Variants in DIP2C observed in about 807,000 individuals in gnomAD.
DIP2C encodes the protein disco-interacting protein 2 homolog C.
A neutral mutation model predicts 192.4 loss-of-function variants in DIP2C; 33 were observed. The observed-to-expected ratio is 0.17, with a 90% CI of 0.13 to 0.23. The LOEUF (loss-of-function observed/expected upper bound fraction) is 0.23. Ranked by LOEUF, DIP2C falls within the 10% of genes least tolerant of loss-of-function variation. DIP2C has a pLI of 1.00. For synonymous variants in DIP2C, 979 were observed against 864.1 expected, an observed-to-expected ratio of 1.13 and a Z score of -2.33; for missense variants, 1,537 against 2,110.1, an observed-to-expected ratio of 0.73 and a Z score of 5.32.
chr10:375,541 GTACACTA>G (rs1341204842), intron 17 of DIP2C, among the ~76,000 whole-genome samples: 2 of 152,208 alleles, frequency 1.3e-5, no homozygotes, highest in Admixed American at 6.5e-5. Context: ...CACGAGGAAT[GTACACTA>G]TGGCTTCCAT....
intron 1 of DIP2C, chr10:669,369 A>G (rs948607252): frequency 6.6e-6 from 1 of 152,180 alleles, no homozygotes; most frequent in Non-Finnish European, 1.5e-5. Context: ...GAACCAAGTG[A>G]TGGGCAGACA....
chr10:425,555 GGAT>G (rs1966537960), intron 4 of DIP2C, among the ~76,000 whole-genome samples: 1 of 134,442 alleles, frequency 7.4e-6, no homozygotes, highest in South Asian at 2.3e-4. Flanking sequence ...AATATGACAC[GGAT>G]GATACAGCAT....
At chr10:317,424 G>A (rs759629803) in intron 31 of DIP2C, among the ~76,000 whole-genome samples, 12 of 152,336 alleles carry the variant, frequency 7.9e-5, no homozygotes, top group Middle Eastern at 3.4e-3. Context: ...CAGCCTGGAC[G>A]CCATGCTCTG....
At chr10:386,411 C>T (rs769393479) in intron 14 of DIP2C, among the ~76,000 whole-genome samples, 19 of 152,234 alleles carry the variant, frequency 1.2e-4, no homozygotes, top group Non-Finnish European at 2.5e-4. Context: ...AGCCCAGGTC[C>T]TCCAATCCCA....
intron 1 of DIP2C, among the ~76,000 whole-genome samples, chr10:577,848 A>G (rs1036511090): frequency 3.3e-5 from 5 of 151,290 alleles, no homozygotes; most frequent in African/African-American, 1.2e-4. Flanking sequence ...ACCACAAAAG[A>G]AGAAAGAACT....
chr10:537,816 G>A (rs7092325), intron 1 of DIP2C, among the ~76,000 whole-genome samples: 2 of 151,296 alleles, frequency 1.3e-5, no homozygotes, highest in African/African-American at 2.4e-5. Context: ...CCCCGAGACC[G>A]AGTCTCGCTC....
intron 1 of DIP2C, among the ~76,000 whole-genome samples, chr10:512,597 G>C (rs1049210300): frequency 6.6e-6 from 1 of 151,066 alleles, no homozygotes; most frequent in African/African-American, 2.4e-5. Flanking sequence ...AAAACAAAAA[G>C]CAAAAACAAC....
chr10:567,200 T>A lies in DIP2C; in HGVS notation c.86-80670A>T, dbSNP rs568037561. Among the ~76,000 whole-genome samples, 389 of 87,116 alleles carry A rather than the reference T, an allele frequency of 4.5e-3. 2 individuals are homozygous for A. In the African/African-American group the frequency reaches 0.051, roughly 11 times the overall value. 57.2% of individuals were successfully genotyped at this position (87,116 alleles called of 152,430 possible). On this transcript the variant is annotated intron_variant, in intron 1 of 36. Transcript: ENST00000280886. ...TGGGGGGTTTTTTGTTTTGTTTTGT[T>A]TTTTTTAAGACACAATATCACTCTG...
chr10:480,100 C>T (rs1040027531), intron 2 of DIP2C, among the ~76,000 whole-genome samples: 37 of 142,088 alleles, frequency 2.6e-4, no homozygotes, highest in African/African-American at 7.2e-4. Flanking sequence ...CTCCGGTCCA[C>T]GCTCACTGGA....
intron 1 of DIP2C, among the ~76,000 whole-genome samples, chr10:500,829 T>TC (rs1191015450): frequency 9.9e-5 from 15 of 152,212 alleles, no homozygotes; most frequent in African/African-American, 3.4e-4. Context: ...CTGCGATGTC[T>TC]CCCCCCATAG....
chr10:551,307 C>G (rs970315431), intron 1 of DIP2C, among the ~76,000 whole-genome samples: 2 of 152,218 alleles, frequency 1.3e-5, no homozygotes, highest in Non-Finnish European at 2.9e-5. Flanking sequence ...GCCTGGCATA[C>G]AGCAGGTGCC....
rs150834887 is a variant in DIP2C at position 637,849 on chromosome 10, G to A, written c.85+51645C>T. Among the ~76,000 whole-genome samples, 267 of 152,334 alleles carry A rather than the reference G, an allele frequency of 1.8e-3. 1 individual carries two copies. The highest frequency in any genetic ancestry group is 6.2e-3 in the African/African-American group (258 of 41,576). On this transcript the variant is annotated intron_variant, in intron 1 of 36. Coordinates refer to ENST00000280886, the MANE Select transcript of DIP2C (RefSeq NM_014974.3). ...CAAGACCCGCTGAGTGCCCTGGTCTGCATGACTGATTCTAAATCACCGTCC... is the reference window on the plus strand; with the variant it reads ...CAAGACCCGCTGAGTGCCCTGGTCTACATGACTGATTCTAAATCACCGTCC...
chr10:283,252 C>A lies in DIP2C; in HGVS notation c.4294+20G>T, dbSNP rs72653030. On this transcript the variant is annotated intron_variant, in intron 35 of 36. Transcript: ENST00000280886. ...TCTCTGCCCATCTGTTGGGGGGGGG[C>A]CGCCAGCCTGGACTCTCACCTCCAT... 35 of 466,656 alleles carry A rather than the reference C, an allele frequency of 7.5e-5. No individual in the cohort carries two copies. Among genetic ancestry groups the A allele is most frequent in the Non-Finnish European group, 1.2e-4 (30 of 258,790 alleles). The allele number at this position is 466,656 out of a possible 1,614,324, so 28.9% of individuals were successfully genotyped here. A position where few individuals can be genotyped will look rare whatever the true frequency, so the allele number is the denominator to read the frequency against.
chr10:521,357 C>A (rs539411412), intron 1 of DIP2C, among the ~76,000 whole-genome samples: 1 of 152,118 alleles, frequency 6.6e-6, no homozygotes, highest in Non-Finnish European at 1.5e-5. Context: ...TGGGGACTCC[C>A]GACTCCCCAA....
intron 11 of DIP2C, 142 bp downstream of exon 11, chr10:390,598 C>T (rs1488544825): frequency 3.3e-5 from 46 of 1,401,538 alleles, no homozygotes; most frequent in East Asian, 2.3e-4. Context: ...TCATCAGGGA[C>T]GAGAACGCGT....
intron 32 of DIP2C, among the ~76,000 whole-genome samples, chr10:299,764 G>C (rs552889473): frequency 1.3e-5 from 2 of 152,228 alleles, no homozygotes; most frequent in South Asian, 2.1e-4. Context: ...CTAATATCCA[G>C]AATGTGTAAG....
At chr10:621,783 G>C (rs886437582) in intron 1 of DIP2C, among the ~76,000 whole-genome samples, 3 of 152,172 alleles carry the variant, frequency 2.0e-5, no homozygotes, top group Non-Finnish European at 4.4e-5. Context: ...TGCTGAGCAC[G>C]GGGCCTACGG....
At chr10:624,854 G>A (rs1854093836) in intron 1 of DIP2C, among the ~76,000 whole-genome samples, 1 of 152,132 alleles carries the variant, frequency 6.6e-6, no homozygotes, top group African/African-American at 2.4e-5. Flanking sequence ...AGACGGAGGT[G>A]TGCATGTGGC....
rs143619867 is a variant in DIP2C, at chr10:469,891, A to C, written c.268+2548T>G. ...TGTCACACTCCCTCATCTTCCTTCA[A>C]AATATAGAAGCCAGGCAGTATTTCA... On this transcript the variant is annotated intron_variant, in intron 3 of 36. Transcript: ENST00000280886. Among the ~76,000 whole-genome samples the C allele has an allele frequency of 2.3e-3, 350 of 152,282 alleles. 1 individual carries two copies. The highest frequency in any genetic ancestry group is 7.9e-3 in the African/African-American group (328 of 41,548).
Sources: gnomAD v4.1 joint callset for allele counts (sites outside exome capture counted in the v4.1 genomes callset) on GRCh38, gnomAD v4.1.1 for gene constraint, MANE v1.5 for transcripts, NCBI Gene and HGNC (gene_info 2026-07-23, HGNC 2026-07-21) for gene names.